The following NALF1 variants were observed in gnomAD, a reference collection of about 807,000 sequenced individuals.
NALF1 encodes family with sequence similarity 155 member A.
A neutral mutation model predicts 48.4 loss-of-function variants in NALF1; 3 were observed. The observed-to-expected ratio is 0.06, with a 90% confidence interval of 0.03 to 0.16. The LOEUF is 0.16. NALF1 is among the 10% of genes least tolerant of loss of function. NALF1 has a pLI of 1.00. For synonymous variants in NALF1, 262 were observed against 245.7 expected, an observed-to-expected ratio of 1.07 and a Z score of -0.62; for missense variants, 526 against 571.5, an observed-to-expected ratio of 0.92 and a Z score of 0.81.
intron 1 of NALF1, among the ~76,000 whole-genome samples, chr13:107,468,667 C>CAA (rs1229649044): frequency 6.6e-6 from 1 of 152,084 alleles, no homozygotes; most frequent in African/African-American, 2.4e-5. Context: ...TATTATGTAA[C>CAA]AAACACTGTC....
chr13:107,603,235 TTTCTC>T (rs1377926564), intron 1 of NALF1, among the ~76,000 whole-genome samples: 1 of 152,198 alleles, frequency 6.6e-6, no homozygotes. Flanking sequence ...TAAAACACAT[TTTCTC>T]TTCTCATTTT....
chr13:107,236,500 G>C (rs114501736), intron 1 of NALF1, among the ~76,000 whole-genome samples: 1 of 152,082 alleles, frequency 6.6e-6, no homozygotes, highest in African/African-American at 2.4e-5. Context: ...AATCAGAAGA[G>C]TCCCCAGAGC....
chr13:107,575,496 C>A (rs910526378), intron 1 of NALF1, among the ~76,000 whole-genome samples: 11 of 152,052 alleles, frequency 7.2e-5, no homozygotes, highest in African/African-American at 2.7e-4. Flanking sequence ...TCCTGAAGAG[C>A]AAAAATTACC....
At chr13:107,684,245 A>C (rs1881377221) in intron 1 of NALF1, among the ~76,000 whole-genome samples, 1 of 152,160 alleles carries the variant, frequency 6.6e-6, no homozygotes, top group Non-Finnish European at 1.5e-5. Flanking sequence ...TCCTTTCTGA[A>C]TCTTCTTTCT....
At chr13:107,710,844 AAT>A (rs1875566099) in intron 1 of NALF1, among the ~76,000 whole-genome samples, 1 of 149,426 alleles carries the variant, frequency 6.7e-6, no homozygotes, top group Non-Finnish European at 1.5e-5. Flanking sequence ...GACACGTATA[AAT>A]ATACACAGAT....
intron 1 of NALF1, among the ~76,000 whole-genome samples, chr13:107,280,768 G>C (rs1389883804): frequency 6.6e-6 from 1 of 152,128 alleles, no homozygotes; most frequent in Non-Finnish European, 1.5e-5. Context: ...AAAAAAAGTA[G>C]TTTGTATCTC....
chr13:107,683,267 C>A (rs959833096), intron 1 of NALF1, among the ~76,000 whole-genome samples: 1 of 152,102 alleles, frequency 6.6e-6, no homozygotes, highest in Admixed American at 6.6e-5. Flanking sequence ...TACATAAATA[C>A]CATCAGTAAG....
At chr13:107,599,404 AG>A (rs1161526959) in intron 1 of NALF1, among the ~76,000 whole-genome samples, 1 of 147,988 alleles carries the variant, frequency 6.8e-6, no homozygotes, top group African/African-American at 2.5e-5. Flanking sequence ...CCGGGGCAAC[AG>A]AGCGAGACTC....
intron 1 of NALF1, among the ~76,000 whole-genome samples, chr13:107,367,731 C>G (rs1042456327): frequency 6.6e-6 from 1 of 152,170 alleles, no homozygotes. Context: ...GACATCATGG[C>G]TACCTTGAGA....
At chr13:107,340,499 T>G (rs77038664) in intron 1 of NALF1, among the ~76,000 whole-genome samples, 1 of 143,618 alleles carries the variant, frequency 7.0e-6, no homozygotes, top group Admixed American at 7.2e-5. Context: ...TTGTCTTTCT[T>G]TCTTTCTTTT....
intron 1 of NALF1, among the ~76,000 whole-genome samples, chr13:107,259,495 G>A (rs1387937420): frequency 1.3e-5 from 2 of 152,188 alleles, no homozygotes; most frequent in East Asian, 1.9e-4. Flanking sequence ...ACAGGACATT[G>A]AGAGGCATGA....
chr13:107,576,487 C>A (rs1418783700), intron 1 of NALF1, among the ~76,000 whole-genome samples: 1 of 152,168 alleles, frequency 6.6e-6, no homozygotes, highest in African/African-American at 2.4e-5. Flanking sequence ...ATAAATCATG[C>A]TATCTTCTCA....
chr13:107,239,028 A>C (rs1347993427), intron 1 of NALF1, among the ~76,000 whole-genome samples: 1 of 152,210 alleles, frequency 6.6e-6, no homozygotes, highest in East Asian at 1.9e-4. Flanking sequence ...CTAGGGCAGA[A>C]ACTTTAAGGA....
intron 1 of NALF1, among the ~76,000 whole-genome samples, chr13:107,263,249 GACACACACACACAC>G (rs34637583): frequency 1.6e-4 from 22 of 138,368 alleles, no homozygotes; most frequent in South Asian, 2.6e-4. Context: ...AATGCTAACA[GACACACACACACAC>G]ACACACACAC....
chr13:107,485,137 G>A (rs1352149470), intron 1 of NALF1, among the ~76,000 whole-genome samples: 1 of 152,140 alleles, frequency 6.6e-6, no homozygotes, highest in African/African-American at 2.4e-5. Context: ...AAGCAGGGCT[G>A]CATTTGTAAC....
At chr13:107,682,678 T>C (rs1881335967) in intron 1 of NALF1, among the ~76,000 whole-genome samples, 1 of 152,240 alleles carries the variant, frequency 6.6e-6, no homozygotes, top group African/African-American at 2.4e-5. Flanking sequence ...ATTTATCTTC[T>C]TCTCATGCTG....
intron 1 of NALF1, among the ~76,000 whole-genome samples, chr13:107,691,449 G>A (rs893796957): frequency 6.6e-6 from 1 of 152,220 alleles, no homozygotes; most frequent in African/African-American, 2.4e-5. Flanking sequence ...GAATCAGATT[G>A]TAAGGATATG....
At chr13:107,470,722 A>T (rs1885086754) in intron 1 of NALF1, among the ~76,000 whole-genome samples, 1 of 152,208 alleles carries the variant, frequency 6.6e-6, no homozygotes, top group Admixed American at 6.5e-5. Flanking sequence ...GACATGAAAA[A>T]ATATTAACAT....
At chr13:107,563,459 C>T (rs189020620) in intron 1 of NALF1, among the ~76,000 whole-genome samples, 24 of 152,192 alleles carry the variant, frequency 1.6e-4, no homozygotes, top group Admixed American at 6.5e-5. Flanking sequence ...TGCATTTTAA[C>T]GTGTTTTTCA....
Sources: allele counts gnomAD v4.1 joint callset (sites outside exome capture counted in the v4.1 genomes callset), GRCh38; gene constraint gnomAD v4.1.1; transcripts MANE v1.5; gene names NCBI Gene and HGNC (gene_info 2026-07-23, HGNC 2026-07-21).